CACFD1: variants seen among roughly 807,000 people sequenced by gnomAD.
CACFD1 encodes the protein calcium channel flower homolog.
CACFD1 carries 26 observed loss-of-function variants against 21.3 expected under a neutral mutation model. The observed-to-expected ratio is 1.22, with a 90% CI of 0.89 to 1.69. The LOEUF (loss-of-function observed/expected upper bound fraction) is 1.69. CACFD1 is among the 40% of genes most tolerant of loss of function. The pLI, the probability that CACFD1 is intolerant of heterozygous loss-of-function variation, is 0.00. For missense variants in CACFD1, 265 were observed against 236.2 expected (o/e 1.12, Z -0.80); for synonymous variants, 121 against 106.6 (o/e 1.13, Z -0.83).
chr9:133,465,421 C>CTG lies in CACFD1; in HGVS notation c.295_296dup (p.Trp99CysfsTer20), dbSNP rs782093785. 3 of 1,613,218 alleles carry CTG rather than the reference C, an allele frequency of 1.9e-6. No homozygotes were observed. In the African/African-American group the frequency reaches 4.0e-5, roughly 22 times the overall value. On this transcript the variant is annotated frameshift_variant, in exon 3 of 5. Transcript: ENST00000316948. LOFTEE classifies it high-confidence loss of function. The surrounding 1 kb of genome is among the most constrained non-coding windows in gnomAD (Gnocchi z 5.0). ...CGGAGAAGGTGGACCGGCTGCGCTC[C>CTG]TGGCAGAAGGCTGTCTTCTACTGCG...
rs1296774022 is a variant in CACFD1, at chr9:133,470,013, G to A, written c.*1360G>A. ...TGGTGGGCTGGGCGTGGGGTTTTCT[G>A]GGCCCTGCCCAGTACTGCCCTGGGG... On this transcript the variant is annotated 3_prime_UTR_variant, in exon 5 of 5. Coordinates refer to ENST00000316948, the MANE Select transcript of CACFD1 (RefSeq NM_017586.5). 6.6e-6 allele frequency: 1 copy of A among 152,530 alleles called. No individual in the cohort carries two copies. The highest frequency in any genetic ancestry group is 2.4e-5 in the African/African-American group (1 of 41,450). The allele number at this position is 152,530 out of a possible 1,614,324, so 9.4% of individuals were successfully genotyped here. A position where few individuals can be genotyped will look rare whatever the true frequency, so the allele number is the denominator to read the frequency against.
intron 1 of CACFD1, among the ~76,000 whole-genome samples, chr9:133,461,631 G>C (rs1843222799): frequency 6.6e-6 from 1 of 152,212 alleles, no homozygotes; most frequent in Non-Finnish European, 1.5e-5. Flanking sequence ...ATTTGCTGTG[G>C]AGTCTTACTC....
chr9:133,468,376 TCCCA>T, intron 4 of CACFD1, 183 bp from the exon 5 acceptor site: 5 of 1,535,862 alleles, frequency 3.3e-6, no homozygotes, highest in Non-Finnish European at 3.5e-6. Flanking sequence ...CAGCCCAGCA[TCCCA>T]GGGAGCCTGG....
rs1843560277 is a variant in CACFD1, at chr9:133,468,898, AC to A, written c.*246del. The A allele has an allele frequency of 1.8e-6, 1 of 566,974 alleles. No individual in the cohort carries two copies. The highest frequency in any genetic ancestry group is 3.0e-6 in the Non-Finnish European group (1 of 338,206). 35.1% of individuals were successfully genotyped at this position (566,974 alleles called of 1,614,324 possible). ...AGCTGTGTGGACACTACCCAGCCCT[AC>A]TCCTCTGCTGGGTGGGTCTGCAGAT... On this transcript the variant is annotated 3_prime_UTR_variant, in exon 5 of 5. Coordinates refer to ENST00000316948, the MANE Select transcript of CACFD1 (RefSeq NM_017586.5).
intron 2 of CACFD1, among the ~76,000 whole-genome samples, chr9:133,464,859 C>T (rs62576012): frequency 1.3e-4 from 20 of 152,222 alleles, no homozygotes; most frequent in Non-Finnish European, 2.1e-4. Flanking sequence ...AGCTCTCTGC[C>T]TCCCTGGTGG....
chr9:133,468,064 T>C, intron 4 of CACFD1, 36 bp downstream of exon 4: 1 of 1,527,370 alleles, frequency 6.5e-7, no homozygotes, highest in Non-Finnish European at 9.1e-7. Flanking sequence ...GGCAGGGCCT[T>C]CCTCCCTCCG....
At chr9:133,462,778 C>T (rs933712504) in intron 1 of CACFD1, among the ~76,000 whole-genome samples, 1 of 152,220 alleles carries the variant, frequency 6.6e-6, no homozygotes, top group Non-Finnish European at 1.5e-5. Flanking sequence ...TCAGAGAAGC[C>T]ACGTTCTGGG....
In CACFD1 at chr9:133,465,354, C is replaced by T. The variant is rs369686686; in HGVS notation, c.227C>T (p.Ala76Val). The change falls in exon 3 of 5, where the codon GCG becomes GTG. Residue 76 changes from alanine (A) to valine (V), a missense_variant. Ala to Val is a moderately conservative substitution (Grantham distance 64). Transcript: ENST00000316948. This position sits in a 1 kb window ranked among gnomAD's most constrained non-coding sequence, Gnocchi z 5.0. ...GCCTTCATCTTGTTGCTGTGTGAGG[C>T]GCCCTTCTGCTGCCAGTTCATCGAG... is the stretch of plus-strand genomic sequence containing the variant. Reference protein sequence around the residue: ...MNAFILLLCEAPFCCQFIEFA... With the variant: ...MNAFILLLCEVPFCCQFIEFA... The T allele has an allele frequency of 9.9e-5, 160 of 1,613,872 alleles. No homozygotes were observed. The highest frequency in any genetic ancestry group is 1.9e-4 in the South Asian group (17 of 91,088).
chr9:133,461,660 G>A (rs193003351), intron 1 of CACFD1, among the ~76,000 whole-genome samples: 4 of 152,346 alleles, frequency 2.6e-5, no homozygotes, highest in Non-Finnish European at 5.9e-5. Context: ...GCCTCTCAAA[G>A]TGAGGTACCT....
chr9:133,467,515 C>T (rs587600780), intron 3 of CACFD1, among the ~76,000 whole-genome samples: 3 of 152,302 alleles, frequency 2.0e-5, no homozygotes, highest in African/African-American at 7.2e-5. Flanking sequence ...TGACTGACCT[C>T]GGACAAGCTT....
chr9:133,468,434 G>C (rs1301606035), intron 4 of CACFD1, 129 bp from the exon 5 acceptor site: 1 of 1,536,302 alleles, frequency 6.5e-7, no homozygotes. Flanking sequence ...CACCCCAGCA[G>C]TTGTCTCTGG....
At position 133,465,146 on chromosome 9, in the gene CACFD1, G is replaced by A; in HGVS notation, c.195-176G>A. The A allele has an allele frequency of 1.5e-6, 1 of 657,518 alleles. No homozygotes were observed. Among genetic ancestry groups the A allele is most frequent in the Non-Finnish European group, 2.7e-6 (1 of 372,998 alleles). 40.7% of individuals were successfully genotyped at this position (657,518 alleles called of 1,614,324 possible). On this transcript the variant is annotated intron_variant, in intron 2 of 4. Transcript: ENST00000316948. This position sits in a 1 kb window ranked among gnomAD's most constrained non-coding sequence, Gnocchi z 5.0. ...GGGGAGTGCTGGAGTCTTCAGCAGAGGCTCTCCGAGGGGTACGAGCAGGTG... is the reference window on the plus strand; with the variant it reads ...GGGGAGTGCTGGAGTCTTCAGCAGAAGCTCTCCGAGGGGTACGAGCAGGTG...
rs140870077 is a variant in CACFD1, at chr9:133,467,960, C to T, written c.360C>T (p.Thr120=). 58 of 1,613,704 alleles carry T rather than the reference C, an allele frequency of 3.6e-5. No individual in the cohort carries two copies. Among genetic ancestry groups the T allele is most frequent in the Non-Finnish European group, 4.4e-5 (52 of 1,180,030 alleles). The change falls in exon 4 of 5, where the codon ACC becomes ACT. Residue 120 remains threonine (T), a synonymous_variant. Coordinates refer to ENST00000316948, the MANE Select transcript of CACFD1 (RefSeq NM_017586.5). The part of the protein sequence containing the change: ...VVPIVISLTL[T]TLLGNAIAFA... ...CCATCGTCATCAGCCTGACCCTGACCACGCTGCTGGGCAACGCCATCGCCT... is the reference window on the plus strand; with the variant it reads ...CCATCGTCATCAGCCTGACCCTGACTACGCTGCTGGGCAACGCCATCGCCT...
In CACFD1 at chr9:133,460,015, C is replaced by T. The variant is rs1419728685; in HGVS notation, c.-52C>T. On this transcript the variant is annotated 5_prime_UTR_variant, in exon 1 of 5. Coordinates refer to ENST00000316948, the MANE Select transcript of CACFD1 (RefSeq NM_017586.5). ...AGGCAGCGCGCCGGCTCGGACGCGG[C>T]CGGCTACCGAGCCCTTTGTGAGGGC... 2.0e-6 allele frequency: 3 copies of T among 1,478,084 alleles called. No homozygotes were observed. Among genetic ancestry groups the T allele is most frequent in the East Asian group, 2.7e-5 (1 of 36,684 alleles). 91.6% of individuals were successfully genotyped at this position (1,478,084 alleles called of 1,614,324 possible). A position where few individuals can be genotyped will look rare whatever the true frequency, so the allele number is the denominator to read the frequency against.
At position 133,463,414 on chromosome 9, in the gene CACFD1, C is replaced by G. The variant is rs587656259; in HGVS notation, c.122-69C>G. 16 of 1,610,256 alleles carry G rather than the reference C, an allele frequency of 9.9e-6. No individual in the cohort carries two copies. The South Asian group carries it at 1.5e-4, about 15-fold the overall frequency. On this transcript the variant is annotated intron_variant, in intron 1 of 4. Coordinates refer to ENST00000316948, the MANE Select transcript of CACFD1 (RefSeq NM_017586.5). ...GACTCTCGTCCTTTCCAGTCATCTC[C>G]CAAGGCCGCCTTCCCAGCGGGCTCC...
Position 133,460,109 on chromosome 9 carries a change from G to T in CACFD1, c.43G>T (p.Ala15Ser). Residue 15 changes from alanine (A) to serine (S), a missense_variant, in exon 1 of 5, where the codon GCG becomes TCG. By Grantham distance (99) the Ala-to-Ser change is moderately conservative. Transcript: ENST00000316948. ...GGCGCCCGGGGCGTCCGCCAGCTCT[G>T]CGCCGCCCGCGCAGGAAGAGGGCAT... The part of the protein sequence containing the change: ...GGAPGASASS[A>S]PPAQEEGMTW... The T allele has an allele frequency of 6.4e-7, 1 of 1,563,062 alleles. No homozygotes were observed. The highest frequency in any genetic ancestry group is 8.7e-7 in the Non-Finnish European group (1 of 1,153,308).
chr9:133,468,436 T>C, intron 4 of CACFD1, 127 bp from the exon 5 acceptor site: 1 of 1,536,260 alleles, frequency 6.5e-7, no homozygotes, highest in African/African-American at 1.4e-5. Flanking sequence ...CCCCAGCAGT[T>C]GTCTCTGGGG....
chr9:133,461,607 C>T (rs1843221873), intron 1 of CACFD1, among the ~76,000 whole-genome samples: 1 of 152,214 alleles, frequency 6.6e-6, no homozygotes. Flanking sequence ...GTCAGTGGCC[C>T]TGCCGACTCC....
intron 2 of CACFD1, among the ~76,000 whole-genome samples, chr9:133,464,377 A>G (rs1166971278): frequency 6.6e-6 from 1 of 152,094 alleles, no homozygotes; most frequent in Non-Finnish European, 1.5e-5. Flanking sequence ...GCCCAGCTTC[A>G]GGGGGTGGAG....
Sources: gnomAD v4.1 joint callset for allele counts (sites outside exome capture counted in the v4.1 genomes callset) on GRCh38, gnomAD v4.1.1 for gene constraint, Gnocchi (gnomAD v3.1) non-coding constraint, MANE v1.5 for transcripts, NCBI Gene and HGNC (gene_info 2026-07-23, HGNC 2026-07-21) for gene names.